The following PAX7 variants were observed in gnomAD, a reference collection of about 807,000 sequenced individuals.
PAX7 encodes paired box protein Pax-7.
A neutral mutation model predicts 50.7 loss-of-function variants in PAX7; 18 were observed. That is an observed-to-expected ratio of 0.36 (90% CI 0.25 to 0.53). PAX7 has a LOEUF of 0.53. PAX7 is among the 20% of genes least tolerant of loss of function. PAX7 has a pLI of 0.93. For missense variants in PAX7, 644 were observed against 702.9 expected (o/e 0.92, Z 0.95); for synonymous variants, 310 against 290.4 (o/e 1.07, Z -0.69).
chr1:18,675,973 C>T (rs928888385), intron 4 of PAX7, among the ~76,000 whole-genome samples: 4 of 152,158 alleles, frequency 2.6e-5, no homozygotes, highest in Admixed American at 6.5e-5. Flanking sequence ...GGCTCCAAGC[C>T]GGGGTCCGCT....
At chr1:18,662,862 C>G (rs2088619672) in intron 4 of PAX7, among the ~76,000 whole-genome samples, 1 of 151,978 alleles carries the variant, frequency 6.6e-6, no homozygotes, top group South Asian at 2.1e-4. Flanking sequence ...CATGAGCCAC[C>G]ACACCCAGCC....
chr1:18,686,952 G>A lies in PAX7; in HGVS notation c.587-4802G>A, dbSNP rs189894047. 5.9e-3 allele frequency among the ~76,000 whole-genome samples: 889 copies of A among 150,896 alleles called. 7 individuals are homozygous for A. Among genetic ancestry groups the A allele is most frequent in the African/African-American group, 0.02 (831 of 40,998 alleles). The stretch of plus-strand genomic sequence containing the variant: ...GTTGCCCTGGGGGACATGCAGTGGC[G>A]TGATCTCAGCTCACTGCAACCTCCA... On this transcript the variant is annotated intron_variant, in intron 4 of 8. Transcript: ENST00000420770.
chr1:18,702,975 C>T lies in PAX7; in HGVS notation c.953-119C>T, dbSNP rs2089240210. On this transcript the variant is annotated intron_variant, in intron 6 of 8. Transcript: ENST00000420770. ...TCCCAGGTAGCATGAGAGGGTGGTCCCTTCCCTCCAAGGAATGGAGACCGG... is the reference window on the plus strand; with the variant it reads ...TCCCAGGTAGCATGAGAGGGTGGTCTCTTCCCTCCAAGGAATGGAGACCGG... 4 of 911,132 alleles carry T rather than the reference C, an allele frequency of 4.4e-6. No homozygotes were observed. In the South Asian group the frequency reaches 6.5e-5, roughly 15 times the overall value. 56.4% of individuals were successfully genotyped at this position (911,132 alleles called of 1,614,324 possible).
Position 18,630,932 on chromosome 1 carries a change from C to T in PAX7, c.-672C>T, listed in dbSNP as rs1483841066. The T allele has an allele frequency of 4.9e-6, 1 of 202,074 alleles. No individual in the cohort carries two copies. The highest frequency in any genetic ancestry group is 1.0e-5 in the Non-Finnish European group (1 of 98,090). The allele number at this position is 202,074 out of a possible 1,614,324, so 12.5% of individuals were successfully genotyped here. A position where few individuals can be genotyped will look rare whatever the true frequency, so the allele number is the denominator to read the frequency against. On this transcript the variant is annotated 5_prime_UTR_variant, in exon 1 of 9. Transcript: ENST00000420770. ...TCCCCAACCCCGTCACCCCCTGTCT[C>T]CTCCGTCCAGCCCTGAAACCCGAGG...
intron 4 of PAX7, among the ~76,000 whole-genome samples, chr1:18,644,070 C>G (rs1043255258): frequency 6.6e-6 from 1 of 152,238 alleles, no homozygotes; most frequent in African/African-American, 2.4e-5. Flanking sequence ...GAAGGGATGG[C>G]GCTCCGGCCA....
At chr1:18,681,325 C>T (rs1399825693) in intron 4 of PAX7, among the ~76,000 whole-genome samples, 1 of 152,136 alleles carries the variant, frequency 6.6e-6, no homozygotes, top group Non-Finnish European at 1.5e-5. Context: ...CTGCACAGGA[C>T]ACCAGCATGT....
chr1:18,701,349 C>A (rs1570192873), intron 6 of PAX7, among the ~76,000 whole-genome samples: 1 of 151,054 alleles, frequency 6.6e-6, no homozygotes, highest in Admixed American at 6.6e-5. Flanking sequence ...CGTGTGAGTG[C>A]ATGAGTGTGT....
chr1:18,666,651 G>T (rs1022295278), intron 4 of PAX7, among the ~76,000 whole-genome samples: 1 of 152,170 alleles, frequency 6.6e-6, no homozygotes, highest in Admixed American at 6.5e-5. Context: ...GGCCTGGAGG[G>T]TGACTGAGGG....
At chr1:18,721,143 G>C (rs1391001521) in intron 7 of PAX7, among the ~76,000 whole-genome samples, 1 of 152,056 alleles carries the variant, frequency 6.6e-6, no homozygotes, top group African/African-American at 2.4e-5. Context: ...TGTCTGTGGC[G>C]AGGACCTTTT....
intron 4 of PAX7, among the ~76,000 whole-genome samples, chr1:18,659,708 C>A (rs1162119871): frequency 1.3e-5 from 2 of 152,168 alleles, no homozygotes; most frequent in Non-Finnish European, 2.9e-5. Flanking sequence ...TGGTAGCAGG[C>A]AACTGTCCCA....
At chr1:18,657,563 G>C (rs1248959153) in intron 4 of PAX7, among the ~76,000 whole-genome samples, 7 of 152,136 alleles carry the variant, frequency 4.6e-5, no homozygotes, top group Non-Finnish European at 1.5e-5. Flanking sequence ...CACTCTCTGA[G>C]CTAGAGACCT....
At chr1:18,675,667 G>C (rs995199187) in intron 4 of PAX7, among the ~76,000 whole-genome samples, 2 of 152,132 alleles carry the variant, frequency 1.3e-5, no homozygotes, top group Non-Finnish European at 2.9e-5. Flanking sequence ...ATGAGCCCCC[G>C]GCTGCTTTTT....
At chr1:18,724,240 G>GC (rs5772823) in intron 7 of PAX7, among the ~76,000 whole-genome samples, 27,645 of 152,274 alleles carry the variant, frequency 0.18, 3,119 homozygotes, top group African/African-American at 0.31. Context: ...AGGCCTCCCT[G>GC]CTCTGTCTTC....
chr1:18,637,891 G>T (rs1019866349), intron 4 of PAX7, among the ~76,000 whole-genome samples: 1 of 152,246 alleles, frequency 6.6e-6, no homozygotes, highest in African/African-American at 2.4e-5. Context: ...CTGCCGAGGG[G>T]CCACGGGTCT....
chr1:18,698,383 C>T (rs2089175467), intron 5 of PAX7, among the ~76,000 whole-genome samples: 1 of 151,606 alleles, frequency 6.6e-6, no homozygotes, highest in Non-Finnish European at 1.5e-5. Context: ...TCCCTGCATT[C>T]AGAAGGGAGA....
intron 7 of PAX7, among the ~76,000 whole-genome samples, chr1:18,728,598 C>T (rs556344736): frequency 2.6e-5 from 4 of 151,824 alleles, no homozygotes; most frequent in African/African-American, 4.8e-5. Flanking sequence ...TCGTGGCTCA[C>T]GCCTGTAGTC....
At chr1:18,683,334 T>G (rs1557527894) in intron 4 of PAX7, among the ~76,000 whole-genome samples, 1 of 152,208 alleles carries the variant, frequency 6.6e-6, no homozygotes, top group Non-Finnish European at 1.5e-5. Context: ...CACTGTTGTT[T>G]TTCTAAATTT....
Position 18,634,289 on chromosome 1 carries a change from C to T in PAX7, c.86-14C>T. The T allele has an allele frequency of 1.9e-6, 3 of 1,606,358 alleles. No homozygotes were observed. Among genetic ancestry groups the T allele is most frequent in the Non-Finnish European group, 1.7e-6 (2 of 1,174,196 alleles). ...TGCACCTCTCTCCTTCTGCATCTCC[C>T]CTCCCTTCTCCAGTGTCCACCCCGC... On this transcript the variant is annotated splice_polypyrimidine_tract_variant and intron_variant, in intron 1 of 8. Coordinates refer to ENST00000420770, the MANE Select transcript of PAX7 (RefSeq NM_001135254.2). This position sits in a 1 kb window ranked among gnomAD's most constrained non-coding sequence, Gnocchi z 4.0.
rs535255563 is a variant in PAX7, at chr1:18,634,923, C to T, written c.322-188C>T. ...CACCCCACCCCACCTGGCCAGACCC[C>T]CAGCTGCCTTCCTGGGAGCCAGGAA... On this transcript the variant is annotated intron_variant, in intron 2 of 8. Transcript: ENST00000420770. This position sits in a 1 kb window ranked among gnomAD's most constrained non-coding sequence, Gnocchi z 4.0. Among the ~76,000 whole-genome samples, 5 of 152,254 alleles carry T rather than the reference C, an allele frequency of 3.3e-5. No homozygotes were observed. Among genetic ancestry groups the T allele is most frequent in the East Asian group, 1.9e-4 (1 of 5,182 alleles).
Sources: gnomAD v4.1 joint callset for allele counts (sites outside exome capture counted in the v4.1 genomes callset) on GRCh38, gnomAD v4.1.1 for gene constraint, Gnocchi (gnomAD v3.1) non-coding constraint, MANE v1.5 for transcripts, NCBI Gene and HGNC (gene_info 2026-07-23, HGNC 2026-07-21) for gene names.